The following TMCC1 variants were observed in gnomAD, a reference collection of about 807,000 sequenced individuals.
The protein encoded by TMCC1 is transmembrane and coiled-coil domain family 1.
A neutral mutation model predicts 52.4 loss-of-function variants in TMCC1; 15 were observed. That is an observed-to-expected ratio of 0.29 (90% CI 0.19 to 0.44). The LOEUF (loss-of-function observed/expected upper bound fraction) is 0.44, where lower values mean the gene tolerates loss of function less well. TMCC1 is among the 20% of genes least tolerant of loss of function. The pLI, the probability that TMCC1 is intolerant of heterozygous loss-of-function variation, is 1.00. For missense variants in TMCC1, 503 were observed against 806.0 expected (o/e 0.62, Z 4.55); for synonymous variants, 279 against 301.9 (o/e 0.92, Z 0.79).
chr3:129,719,551 C>G (rs550828151), intron 4 of TMCC1, among the ~76,000 whole-genome samples: 2 of 152,200 alleles, frequency 1.3e-5, no homozygotes, highest in South Asian at 2.1e-4. Flanking sequence ...AAATGGGATG[C>G]AGTCTTGTGG....
At chr3:129,889,131 G>A (rs1023806784) in intron 1 of TMCC1, among the ~76,000 whole-genome samples, 40 of 152,182 alleles carry the variant, frequency 2.6e-4, no homozygotes, top group African/African-American at 8.7e-4. Flanking sequence ...AATTAGCAGA[G>A]CATGATGGCA....
At chr3:129,820,566 G>C (rs1286017685) in intron 4 of TMCC1, among the ~76,000 whole-genome samples, 1 of 151,938 alleles carries the variant, frequency 6.6e-6, no homozygotes, top group Non-Finnish European at 1.5e-5. Flanking sequence ...AGTAGAATAG[G>C]CTGCTTTGGG....
chr3:129,834,446 G>A (rs1173696076), intron 2 of TMCC1, among the ~76,000 whole-genome samples: 1 of 152,140 alleles, frequency 6.6e-6, no homozygotes, highest in African/African-American at 2.4e-5. Context: ...CAACCCACAA[G>A]ACAAGGGGGT....
At chr3:129,801,974 T>G (rs1283141126) in intron 4 of TMCC1, among the ~76,000 whole-genome samples, 1 of 152,238 alleles carries the variant, frequency 6.6e-6, no homozygotes, top group Admixed American at 6.5e-5. Flanking sequence ...GTTTCCGGCA[T>G]CAGAGCTTTC....
intron 2 of TMCC1, among the ~76,000 whole-genome samples, chr3:129,848,644 G>A (rs1194812232): frequency 1.3e-5 from 2 of 152,232 alleles, no homozygotes; most frequent in Admixed American, 6.5e-5. Flanking sequence ...AAAGTACACT[G>A]TGCAGTTGAA....
chr3:129,856,875 A>G (rs537460314), intron 2 of TMCC1, among the ~76,000 whole-genome samples: 17 of 152,308 alleles, frequency 1.1e-4, no homozygotes, highest in African/African-American at 3.8e-4. Flanking sequence ...GGATGGCACC[A>G]GGTTCAAGAG....
At chr3:129,750,207 T>C (rs2052368524) in intron 4 of TMCC1, among the ~76,000 whole-genome samples, 1 of 152,200 alleles carries the variant, frequency 6.6e-6, no homozygotes, top group African/African-American at 2.4e-5. Flanking sequence ...TTACTTATTT[T>C]GAGACAAAGT....
chr3:129,741,228 A>AG, intron 4 of TMCC1, among the ~76,000 whole-genome samples: 1 of 152,330 alleles, frequency 6.6e-6, no homozygotes, highest in South Asian at 2.1e-4. Flanking sequence ...CATCATCAAA[A>AG]GGAGGATACA....
chr3:129,849,097 G>GCTACTAC (rs1365515771), intron 2 of TMCC1, among the ~76,000 whole-genome samples: 1 of 152,148 alleles, frequency 6.6e-6, no homozygotes, highest in African/African-American at 2.4e-5. Context: ...TATTAAACAT[G>GCTACTAC]TACCACATCA....
At chr3:129,732,532 C>T (rs2050624893) in intron 4 of TMCC1, among the ~76,000 whole-genome samples, 1 of 152,106 alleles carries the variant, frequency 6.6e-6, no homozygotes, top group Admixed American at 6.6e-5. Context: ...AGTTTATTTT[C>T]AAATATCTTA....
intron 1 of TMCC1, among the ~76,000 whole-genome samples, chr3:129,887,904 T>C (rs1479799127): frequency 2.0e-5 from 3 of 152,132 alleles, no homozygotes; most frequent in African/African-American, 4.8e-5. Context: ...CTTAAGTAAT[T>C]AGGAGATAAA....
At chr3:129,678,359 C>CTTTTTTTTTTTTT (rs71155564) in intron 4 of TMCC1, among the ~76,000 whole-genome samples, 1 of 117,198 alleles carries the variant, frequency 8.5e-6, no homozygotes, top group African/African-American at 3.4e-5. Context: ...TTGTTTAATT[C>CTTTTTTTTTTTTT]TTTTTTTTTT....
chr3:129,840,628 G>A (rs752007312), intron 2 of TMCC1, among the ~76,000 whole-genome samples: 5 of 152,212 alleles, frequency 3.3e-5, no homozygotes, highest in East Asian at 1.9e-4. Flanking sequence ...ACTGGATCAC[G>A]GGGGTGGTTT....
chr3:129,845,869 A>T (rs973340616), intron 2 of TMCC1, among the ~76,000 whole-genome samples: 1 of 151,714 alleles, frequency 6.6e-6, no homozygotes, highest in Non-Finnish European at 1.5e-5. Context: ...CTGTCTCTAC[A>T]AAAAAAAATT....
intron 2 of TMCC1, among the ~76,000 whole-genome samples, chr3:129,853,293 T>A (rs1007064674): frequency 6.6e-6 from 1 of 152,128 alleles, no homozygotes; most frequent in Non-Finnish European, 1.5e-5. Flanking sequence ...CATACCCCTA[T>A]GACAAATCAG....
intron 4 of TMCC1, among the ~76,000 whole-genome samples, chr3:129,693,592 C>A (rs921295047): frequency 9.3e-5 from 14 of 150,292 alleles, no homozygotes; most frequent in African/African-American, 3.4e-4. Flanking sequence ...TCAAGTGATC[C>A]TCCCACCTCA....
chr3:129,797,986 C>CT (rs11417298), intron 4 of TMCC1, among the ~76,000 whole-genome samples: 122,645 of 136,598 alleles, frequency 0.9, 55,901 homozygotes, highest in Non-Finnish European at 0.98. Context: ...AGTTGTGTGC[C>CT]TTTTTTTTTT....
chr3:129,737,836 A>G (rs2051110320), intron 4 of TMCC1, among the ~76,000 whole-genome samples: 1 of 152,262 alleles, frequency 6.6e-6, no homozygotes, highest in African/African-American at 2.4e-5. Context: ...ATTCAATGAT[A>G]TTAAAAAGTT....
chr3:129,886,554 T>C (rs1173350198), intron 1 of TMCC1, among the ~76,000 whole-genome samples: 1 of 152,164 alleles, frequency 6.6e-6, no homozygotes, highest in African/African-American at 2.4e-5. Context: ...ATCCATACAA[T>C]GGAATATTAC....
Sources: gnomAD v4.1 joint callset for allele counts (sites outside exome capture counted in the v4.1 genomes callset) on GRCh38, gnomAD v4.1.1 for gene constraint, MANE v1.5 for transcripts, NCBI Gene and HGNC (gene_info 2026-07-23, HGNC 2026-07-21) for gene names.